The following MALRD1 variants were observed in gnomAD, a reference collection of about 807,000 sequenced individuals.
MALRD1 encodes MAM and LDL receptor class A domain containing 1.
A neutral mutation model predicts 242.1 loss-of-function variants in MALRD1; 247 were observed. The observed-to-expected ratio is 1.02, with a 90% CI of 0.92 to 1.13. MALRD1 has a LOEUF of 1.13. Among genes scored for constraint, MALRD1 ranks in the 50% most tolerant of loss-of-function variants. MALRD1 has a pLI of 0.00. For synonymous variants in MALRD1, 995 were observed against 866.6 expected (o/e 1.15, Z -2.60); for missense variants, 2,989 against 2,533.1 (o/e 1.18, Z -3.86).
At chr10:19,628,666 A>G (rs1447435927) in intron 36 of MALRD1, among the ~76,000 whole-genome samples, 5 of 152,258 alleles carry the variant, frequency 3.3e-5, no homozygotes, top group Admixed American at 3.3e-4. Flanking sequence ...GAGATTTCAT[A>G]CTTGAATTTT....
intron 26 of MALRD1, among the ~76,000 whole-genome samples, chr10:19,386,830 G>C (rs906507903): frequency 6.6e-6 from 1 of 151,806 alleles, no homozygotes; most frequent in African/African-American, 2.4e-5. Flanking sequence ...TCAAATGTTG[G>C]TATGATCCAA....
At chr10:19,215,855 C>T (rs541584236) in intron 18 of MALRD1, among the ~76,000 whole-genome samples, 3 of 51,550 alleles carry the variant, frequency 5.8e-5, no homozygotes, top group South Asian at 3.5e-4. Context: ...TAATAAAACT[C>T]ATAAATTAGT....
intron 36 of MALRD1, among the ~76,000 whole-genome samples, chr10:19,665,523 A>T (rs7091330): frequency 2.7e-4 from 41 of 151,948 alleles, no homozygotes; most frequent in Non-Finnish European, 5.3e-4. Context: ...TTTTTTCTCA[A>T]TTGCCTCAAA....
At chr10:19,725,715 G>T (rs560294953) in intron 38 of MALRD1, among the ~76,000 whole-genome samples, 1 of 152,308 alleles carries the variant, frequency 6.6e-6, no homozygotes, top group East Asian at 1.9e-4. Flanking sequence ...AAACAGTGTG[G>T]TATCGGCATG....
intron 26 of MALRD1, among the ~76,000 whole-genome samples, chr10:19,364,096 C>T (rs754724374): frequency 2.0e-5 from 3 of 151,932 alleles, no homozygotes; most frequent in Non-Finnish European, 4.4e-5. Flanking sequence ...AAGGGAAAAC[C>T]AGTTTTTACA....
At chr10:19,390,781 C>T (rs927078288) in intron 28 of MALRD1, among the ~76,000 whole-genome samples, 3 of 151,950 alleles carry the variant, frequency 2.0e-5, no homozygotes, top group Non-Finnish European at 4.4e-5. Flanking sequence ...TCTGCAGAGT[C>T]TATGTTTTAT....
chr10:19,238,468 A>ATAATATATATT (rs373763200), intron 18 of MALRD1, among the ~76,000 whole-genome samples: 1 of 38,066 alleles, frequency 2.6e-5, no homozygotes, highest in Non-Finnish European at 3.9e-5. Context: ...TATATAATAT[A>ATAATATATATT]ATATATAATA....
At chr10:19,338,960 A>G (rs1843721886) in intron 24 of MALRD1, among the ~76,000 whole-genome samples, 5 of 147,276 alleles carry the variant, frequency 3.4e-5, no homozygotes, top group Admixed American at 3.4e-4. Flanking sequence ...CTAGTTATAT[A>G]CTATATATAC....
chr10:19,461,726 C>T (rs949743419), intron 29 of MALRD1, among the ~76,000 whole-genome samples: 2 of 151,948 alleles, frequency 1.3e-5, no homozygotes, highest in African/African-American at 4.8e-5. Flanking sequence ...CACCTGTGGT[C>T]CCAGCTACTT....
intron 36 of MALRD1, among the ~76,000 whole-genome samples, chr10:19,668,444 A>G (rs887668917): frequency 6.6e-6 from 1 of 152,300 alleles, no homozygotes; most frequent in African/African-American, 2.4e-5. Flanking sequence ...ACATCCAGTG[A>G]TCATTTTTTC....
intron 12 of MALRD1, among the ~76,000 whole-genome samples, chr10:19,158,004 C>G (rs1259444156): frequency 6.6e-6 from 1 of 152,102 alleles, no homozygotes; most frequent in African/African-American, 2.4e-5. Flanking sequence ...ATTTATGCTT[C>G]AAAAGTCCTT....
chr10:19,520,479 A>T (rs2131315418), intron 31 of MALRD1, among the ~76,000 whole-genome samples: 1 of 152,306 alleles, frequency 6.6e-6, no homozygotes, highest in East Asian at 1.9e-4. Flanking sequence ...TTTTAGAAAT[A>T]CAAGTATTCT....
chr10:19,706,591 A>G (rs1260033477), intron 38 of MALRD1, among the ~76,000 whole-genome samples: 8 of 152,110 alleles, frequency 5.3e-5, no homozygotes, highest in Non-Finnish European at 7.3e-5. Context: ...ACCTCAGGTG[A>G]TCTGCCCACC....
intron 36 of MALRD1, among the ~76,000 whole-genome samples, chr10:19,634,085 C>A (rs1001755296): frequency 1.8e-4 from 28 of 152,086 alleles, no homozygotes; most frequent in African/African-American, 5.6e-4. Context: ...AAGTGATCCT[C>A]CCACTTCGGC....
At chr10:19,249,848 G>A (rs944161149) in intron 18 of MALRD1, among the ~76,000 whole-genome samples, 2 of 151,760 alleles carry the variant, frequency 1.3e-5, no homozygotes, top group South Asian at 2.1e-4. Flanking sequence ...GTTAGTTAAG[G>A]TTTAAGTCGA....
chr10:19,694,423 G>A (rs1833265805), intron 38 of MALRD1, among the ~76,000 whole-genome samples: 1 of 152,188 alleles, frequency 6.6e-6, no homozygotes, highest in Non-Finnish European at 1.5e-5. Flanking sequence ...GATATGAACA[G>A]ACACTTCTCA....
chr10:19,161,674 T>C (rs972027236), intron 12 of MALRD1, among the ~76,000 whole-genome samples: 3 of 151,940 alleles, frequency 2.0e-5, no homozygotes, highest in Non-Finnish European at 4.4e-5. Context: ...TCTGGGATGA[T>C]GGACAATGTT....
chr10:19,264,926 C>T (rs2131829757), intron 19 of MALRD1, among the ~76,000 whole-genome samples: 1 of 152,240 alleles, frequency 6.6e-6, no homozygotes, highest in African/African-American at 2.4e-5. Context: ...AATCTCATTA[C>T]TCATAATTCA....
chr10:19,714,269 G>A (rs1834275227), intron 38 of MALRD1, among the ~76,000 whole-genome samples: 1 of 152,264 alleles, frequency 6.6e-6, no homozygotes, highest in South Asian at 2.1e-4. Flanking sequence ...GGAGCCAGAA[G>A]GGAATGGATT....
Sources: gnomAD v4.1 joint callset for allele counts (sites outside exome capture counted in the v4.1 genomes callset) on GRCh38, gnomAD v4.1.1 for gene constraint, MANE v1.5 for transcripts, NCBI Gene and HGNC (gene_info 2026-07-23, HGNC 2026-07-21) for gene names.